KDM1B: variants seen among roughly 807,000 people sequenced by gnomAD.
KDM1B encodes lysine demethylase 1B.
KDM1B carries 63 observed loss-of-function variants against 107.4 expected under a neutral mutation model. That is an observed-to-expected ratio of 0.59 (90% CI 0.48 to 0.72). KDM1B has a LOEUF of 0.72. Ranked by LOEUF, KDM1B falls within the 30% of genes least tolerant of loss-of-function variation. The probability of loss-of-function intolerance (pLI) is 0.00; values close to 1 mark genes in which losing one functional copy is unlikely to be tolerated. For synonymous variants in KDM1B, 363 were observed against 363.9 expected (o/e 1.00, Z 0.03); for missense variants, 749 against 1,020.8 (o/e 0.73, Z 3.63).
Position 18,200,500 on chromosome 6 carries a change from A to G in KDM1B, c.1283A>G (p.Lys428Arg), listed in dbSNP as rs762970046. The G allele has an allele frequency of 5.6e-6, 9 of 1,613,990 alleles. No individual in the cohort carries two copies. The highest frequency in any genetic ancestry group is 7.6e-6 in the Non-Finnish European group (9 of 1,179,986). Residue 428 changes from lysine to arginine, a missense_variant, in exon 13 of 22, where the codon AAA (lysine) becomes AGA (arginine). Lys to Arg is a conservative substitution (Grantham distance 26). Transcript: ENST00000650836. The surrounding 1 kb of genome is among the most constrained non-coding windows in gnomAD (Gnocchi z 4.3). ...GGRVWDDKSF[K>R]GVTVGRGAQI... ...CGAGTCTGGGATGATAAATCTTTTAAAGGCGTCACAGTGGGAAGAGGAGCT... is the reference window on the plus strand; with the variant it reads ...CGAGTCTGGGATGATAAATCTTTTAGAGGCGTCACAGTGGGAAGAGGAGCT...
chr6:18,195,786 T>C (rs1055450280), intron 10 of KDM1B, among the ~76,000 whole-genome samples: 1 of 151,680 alleles, frequency 6.6e-6, no homozygotes, highest in Non-Finnish European at 1.5e-5. Context: ...AATAGCTAAA[T>C]TGACCTAATT....
At chr6:18,177,579 A>G (rs1422174010) in intron 7 of KDM1B, among the ~76,000 whole-genome samples, 1 of 151,374 alleles carries the variant, frequency 6.6e-6, no homozygotes, top group Non-Finnish European at 1.5e-5. Context: ...TTTTAATTTT[A>G]AAAATTTTCT....
intron 10 of KDM1B, among the ~76,000 whole-genome samples, chr6:18,194,732 C>G (rs1201751871): frequency 6.6e-6 from 1 of 151,642 alleles, no homozygotes; most frequent in Non-Finnish European, 1.5e-5. Flanking sequence ...GTTTTGGGCT[C>G]AAGTGATTGC....
In KDM1B at chr6:18,210,342, C is replaced by CTT. The variant is rs533016543; in HGVS notation, c.1867-2117_1867-2116dup. 4.4e-3 allele frequency among the ~76,000 whole-genome samples: 309 copies of CTT among 69,576 alleles called. 2 individuals carry two copies. The highest frequency in any genetic ancestry group is 6.8e-3 in the Non-Finnish European group (230 of 33,736). 45.6% of individuals were successfully genotyped at this position (69,576 alleles called of 152,430 possible). A position where few individuals can be genotyped will look rare whatever the true frequency, so the allele number is the denominator to read the frequency against. ...TCTTTCTTTTTTTTCTCTTTCTTTT[C>CTT]TTTTTTTTTTTTTTTTTTTTTTTTT... On this transcript the variant is annotated intron_variant, in intron 17 of 21. Coordinates refer to ENST00000650836, the MANE Select transcript of KDM1B (RefSeq NM_001364614.2).
At position 18,197,055 on chromosome 6, in the gene KDM1B, A is replaced by G. The variant is rs758014282; in HGVS notation, c.970-2A>G. ...GCAGTTTGGTTTTATTTCCAAACAC[A>G]GGAAGCTCTTACTCCTCAGAAATGT... On this transcript the variant is annotated splice_acceptor_variant, in intron 10 of 21. Transcript: ENST00000650836. LOFTEE classifies it high-confidence loss of function. The surrounding 1 kb of genome is among the most constrained non-coding windows in gnomAD (Gnocchi z 4.5). The G allele has an allele frequency of 6.3e-7, 1 of 1,594,400 alleles. No individual in the cohort carries two copies. Among genetic ancestry groups the G allele is most frequent in the Non-Finnish European group, 8.6e-7 (1 of 1,167,112 alleles).
intron 5 of KDM1B, among the ~76,000 whole-genome samples, chr6:18,163,530 T>C (rs1785102006): frequency 6.6e-6 from 1 of 152,196 alleles, no homozygotes; most frequent in Non-Finnish European, 1.5e-5. Context: ...TATTTATTTT[T>C]AGATCTTTCT....
intron 15 of KDM1B, 128 bp from the exon 16 acceptor site, chr6:18,207,270 A>T (rs1232410036): frequency 1.1e-6 from 1 of 880,008 alleles, no homozygotes; most frequent in Non-Finnish European, 1.8e-6. Flanking sequence ...GTCTCTGCCT[A>T]GGCTGGTCTG....
chr6:18,181,156 AAGAT>A (rs1786443760), intron 7 of KDM1B, among the ~76,000 whole-genome samples: 2 of 152,210 alleles, frequency 1.3e-5, no homozygotes, highest in Admixed American at 1.3e-4. Context: ...GAAAAGAACA[AAGAT>A]AGCAGAAAAA....
At position 18,184,273 on chromosome 6, in the gene KDM1B, CTTTT is replaced by C. The variant is rs1163110910; in HGVS notation, c.535-1483_535-1480del. ...TCCTACACTATGATTGTTCTAGCTT[CTTTT>C]TTTTTTTTTTTTTTTGAGACGGAGT... On this transcript the variant is annotated intron_variant, in intron 7 of 21. Transcript: ENST00000650836. Among the ~76,000 whole-genome samples the C allele has an allele frequency of 4.6e-3, 532 of 116,636 alleles. 6 individuals are homozygous for C. Among genetic ancestry groups the C allele is most frequent in the African/African-American group, 0.016 (499 of 31,674 alleles). 76.5% of individuals were successfully genotyped at this position (116,636 alleles called of 152,430 possible).
intron 21 of KDM1B, among the ~76,000 whole-genome samples, chr6:18,220,304 A>G (rs1422698515): frequency 6.6e-6 from 1 of 152,220 alleles, no homozygotes; most frequent in Non-Finnish European, 1.5e-5. Context: ...CTGTAATCCC[A>G]GCACATTGCT....
At chr6:18,165,039 G>A (rs1785203923) in intron 5 of KDM1B, among the ~76,000 whole-genome samples, 1 of 151,164 alleles carries the variant, frequency 6.6e-6, no homozygotes, top group African/African-American at 2.4e-5. Context: ...TGTTTTAAGT[G>A]ATTGTTGATA....
intron 12 of KDM1B, among the ~76,000 whole-genome samples, chr6:18,198,026 A>G (rs1052807105): frequency 6.6e-5 from 10 of 151,742 alleles, no homozygotes; most frequent in African/African-American, 2.4e-4. Context: ...CTTGGGTTCA[A>G]GCTGGGATTA....
intron 21 of KDM1B, among the ~76,000 whole-genome samples, chr6:18,220,173 C>G (rs1221041756): frequency 6.6e-6 from 1 of 152,224 alleles, no homozygotes; most frequent in African/African-American, 2.4e-5. Flanking sequence ...ACCACTCTTT[C>G]ACCTGTGTTC....
chr6:18,203,600 C>A lies in KDM1B; in HGVS notation c.1532-1937C>A, dbSNP rs1442688527. The stretch of plus-strand genomic sequence containing the variant: ...GGGCGCGGTGGCTAACGCCTGTAAT[C>A]TCAGCACTTTGGGAGGCCAAGGCGG... On this transcript the variant is annotated intron_variant, in intron 14 of 21. Transcript: ENST00000650836. The surrounding 1 kb of genome is among the most constrained non-coding windows in gnomAD (Gnocchi z 5.5). 6.6e-6 allele frequency among the ~76,000 whole-genome samples: 1 copy of A among 152,172 alleles called. No homozygotes were observed. Among genetic ancestry groups the A allele is most frequent in the African/African-American group, 2.4e-5 (1 of 41,450 alleles).
intron 20 of KDM1B, among the ~76,000 whole-genome samples, chr6:18,215,734 C>G (rs1239046099): frequency 6.6e-6 from 1 of 151,464 alleles, no homozygotes; most frequent in Non-Finnish European, 1.5e-5. Flanking sequence ...ACATCATACA[C>G]ACTTCCCTTT....
intron 10 of KDM1B, among the ~76,000 whole-genome samples, chr6:18,193,910 G>A (rs1037628786): frequency 3.3e-5 from 5 of 150,920 alleles, no homozygotes; most frequent in Non-Finnish European, 7.4e-5. Flanking sequence ...TTTCACTCTT[G>A]TTGCCCAGGC....
chr6:18,193,153 C>G (rs1270444596), intron 10 of KDM1B, among the ~76,000 whole-genome samples: 1 of 141,320 alleles, frequency 7.1e-6, no homozygotes, highest in African/African-American at 2.7e-5. Context: ...TGAGATCACA[C>G]CATTGCACTC....
rs1462000837 is a variant in KDM1B at position 18,223,656 on chromosome 6, C to T, written c.*1664C>T. ...TAAATGTGTGTTTTAAACTTCCTAT[C>T]AAGTGACATACTTCATTTGATTTTT... On this transcript the variant is annotated 3_prime_UTR_variant, in exon 22 of 22. Coordinates refer to ENST00000650836, the MANE Select transcript of KDM1B (RefSeq NM_001364614.2). 3 of 152,122 alleles carry T rather than the reference C, an allele frequency of 2.0e-5. No homozygotes were observed. The East Asian group carries it at 5.8e-4, about 29-fold the overall frequency. The allele number at this position is 152,122 out of a possible 1,614,324, so 9.4% of individuals were successfully genotyped here. A position where few individuals can be genotyped will look rare whatever the true frequency, so the allele number is the denominator to read the frequency against.
intron 7 of KDM1B, among the ~76,000 whole-genome samples, chr6:18,185,108 GTC>G (rs751045848): frequency 2.6e-5 from 4 of 152,126 alleles, no homozygotes; most frequent in Non-Finnish European, 5.9e-5. Context: ...ATATACAAGA[GTC>G]TCTCTCTGGA....
Sources: allele counts gnomAD v4.1 joint callset (sites outside exome capture counted in the v4.1 genomes callset), GRCh38; gene constraint gnomAD v4.1.1; non-coding constraint Gnocchi (gnomAD v3.1); transcripts MANE v1.5; gene names NCBI Gene and HGNC (gene_info 2026-07-23, HGNC 2026-07-21).